The following FILIP1L variants were observed in gnomAD, a reference collection of about 807,000 sequenced individuals.
FILIP1L encodes the protein filamin A interacting protein 1 like.
A neutral mutation model predicts 96.6 loss-of-function variants in FILIP1L; 55 were observed. That is an observed-to-expected ratio of 0.57 (90% CI 0.46 to 0.71). The LOEUF (loss-of-function observed/expected upper bound fraction) is 0.71. Among genes scored for constraint, FILIP1L ranks in the 30% least tolerant of loss-of-function variants. The probability of loss-of-function intolerance (pLI) is 0.00; values close to 1 mark genes in which losing one functional copy is unlikely to be tolerated. For synonymous variants in FILIP1L, 467 were observed against 473.9 expected (o/e 0.99, Z 0.19); for missense variants, 1,304 against 1,321.2 (o/e 0.99, Z 0.20).
At chr3:99,858,556 CT>C (rs1439317942) in intron 4 of FILIP1L, among the ~76,000 whole-genome samples, 1 of 152,110 alleles carries the variant, frequency 6.6e-6, no homozygotes, top group East Asian at 1.9e-4. Flanking sequence ...TGAAAAAATA[CT>C]TTTACAAAAT....
intron 1 of FILIP1L, among the ~76,000 whole-genome samples, chr3:100,015,715 G>C (rs1162411865): frequency 6.6e-6 from 1 of 152,154 alleles, no homozygotes; most frequent in African/African-American, 2.4e-5. Context: ...CATCGTTTTT[G>C]CTTTCATCAA....
At chr3:99,951,645 TAC>T (rs1417334807) in intron 1 of FILIP1L, among the ~76,000 whole-genome samples, 1 of 152,188 alleles carries the variant, frequency 6.6e-6, no homozygotes, top group Non-Finnish European at 1.5e-5. Context: ...CCACCACATA[TAC>T]ACAGTCCCCA....
chr3:100,067,790 T>C (rs1003035190), intron 1 of FILIP1L, among the ~76,000 whole-genome samples: 21 of 152,112 alleles, frequency 1.4e-4, no homozygotes, highest in Admixed American at 2.0e-4. Flanking sequence ...ATCCAAGCCT[T>C]GAGTGAAGTG....
chr3:100,069,808 G>A (rs2065729893), intron 1 of FILIP1L, among the ~76,000 whole-genome samples: 1 of 152,110 alleles, frequency 6.6e-6, no homozygotes, highest in Admixed American at 6.5e-5. Flanking sequence ...CTATTTGTGA[G>A]GGCATAAGCA....
chr3:100,042,927 C>T (rs1307140137), intron 1 of FILIP1L, among the ~76,000 whole-genome samples: 1 of 152,236 alleles, frequency 6.6e-6, no homozygotes, highest in Non-Finnish European at 1.5e-5. Flanking sequence ...AGTCCACATT[C>T]ATCATGGAAA....
At chr3:99,934,863 T>G (rs1184441033) in intron 1 of FILIP1L, among the ~76,000 whole-genome samples, 1 of 152,190 alleles carries the variant, frequency 6.6e-6, no homozygotes, top group Non-Finnish European at 1.5e-5. Flanking sequence ...CTAAAGAGAT[T>G]AGAGTTTTAC....
chr3:99,974,073 G>T (rs1237617341), intron 1 of FILIP1L, among the ~76,000 whole-genome samples: 3 of 152,344 alleles, frequency 2.0e-5, no homozygotes, highest in Non-Finnish European at 4.4e-5. Flanking sequence ...ATATTTTTCA[G>T]AGGCAGACTG....
At chr3:100,016,893 T>C (rs951460322) in intron 1 of FILIP1L, among the ~76,000 whole-genome samples, 4 of 152,230 alleles carry the variant, frequency 2.6e-5, no homozygotes, top group Non-Finnish European at 5.9e-5. Flanking sequence ...GAATTAGTTG[T>C]GTCCAAAATA....
At position 99,924,290 on chromosome 3, in the gene FILIP1L, T is replaced by A. The variant is rs372255083; in HGVS notation, c.545A>T (p.His182Leu). 170 of 1,614,046 alleles carry A rather than the reference T, an allele frequency of 1.1e-4. No homozygotes were observed. The highest frequency in any genetic ancestry group is 1.3e-4 in the Non-Finnish European group (157 of 1,180,002). Residue 182 changes from histidine (H) to leucine (L), a missense_variant, in exon 4 of 6, where the codon CAT (histidine) becomes CTT (leucine). Physicochemically the swap from His to Leu is moderately conservative, Grantham distance 99 (BLOSUM62 -3). Transcript: ENST00000477258. ...ATCACTCTTCTCCATGTATTCTTTA[T>A]GTTTTCTCTTTTCTTCCTCCAACTC... The part of the protein sequence containing the change: ...ILELEEEKRK[H>L]KEYMEKSDEF...
chr3:99,956,579 T>C (rs1209053752), intron 1 of FILIP1L, among the ~76,000 whole-genome samples: 1 of 152,190 alleles, frequency 6.6e-6, no homozygotes, highest in Non-Finnish European at 1.5e-5. Flanking sequence ...ATTCCTGACC[T>C]CAGATGATCC....
At chr3:99,834,372 T>C (rs1325166958) in intron 5 of FILIP1L, among the ~76,000 whole-genome samples, 1 of 152,228 alleles carries the variant, frequency 6.6e-6, no homozygotes, top group Non-Finnish European at 1.5e-5. Flanking sequence ...GGTGCCTTTA[T>C]TCTGTAATGT....
At chr3:99,945,253 T>TC (rs1445201224) in intron 1 of FILIP1L, among the ~76,000 whole-genome samples, 2 of 152,160 alleles carry the variant, frequency 1.3e-5, no homozygotes, top group Admixed American at 1.3e-4. Context: ...CTTTCCAAAG[T>TC]CCCACTCATC....
Position 100,058,334 on chromosome 3 carries a change from TA to T in FILIP1L, c.-11+55718del, listed in dbSNP as rs570547388. Among the ~76,000 whole-genome samples the T allele has an allele frequency of 7.2e-3, 1,101 of 152,352 alleles. 4 individuals are homozygous for T. Among genetic ancestry groups the T allele is most frequent in the African/African-American group, 0.01 (419 of 41,588 alleles). Reference sequence around the variant, plus strand: ...CTCCTACTTACAGAATGAAACTTTGTACAATCAGATGCTTATAAACGGGTAT... The same window carrying T: ...CTCCTACTTACAGAATGAAACTTTGTCAATCAGATGCTTATAAACGGGTAT... On this transcript the variant is annotated intron_variant, in intron 1 of 5. Coordinates refer to ENST00000477258, the MANE Select transcript of FILIP1L (RefSeq NM_001387850.1).
At chr3:100,087,651 C>G (rs948273580) in intron 1 of FILIP1L, among the ~76,000 whole-genome samples, 2 of 151,720 alleles carry the variant, frequency 1.3e-5, no homozygotes, top group Non-Finnish European at 2.9e-5. Context: ...ATATAACTTG[C>G]GAGTTTTTTT....
intron 4 of FILIP1L, among the ~76,000 whole-genome samples, chr3:99,880,905 G>A (rs1705704434): frequency 6.6e-6 from 1 of 151,916 alleles, no homozygotes; most frequent in African/African-American, 2.4e-5. Context: ...TGTATATTAT[G>A]TTTCTTTTTG....
At chr3:99,967,622 A>G (rs569415321) in intron 1 of FILIP1L, among the ~76,000 whole-genome samples, 1 of 152,324 alleles carries the variant, frequency 6.6e-6, no homozygotes, top group East Asian at 1.9e-4. Flanking sequence ...CGACACATGC[A>G]GAGATTGAAG....
At chr3:100,113,752 G>T (rs1398557686) in intron 1 of FILIP1L, among the ~76,000 whole-genome samples, 1 of 152,010 alleles carries the variant, frequency 6.6e-6, no homozygotes, top group African/African-American at 2.4e-5. Context: ...TTTAATTTTT[G>T]ACTATCCATC....
At chr3:99,979,412 A>AT (rs778961332) in intron 1 of FILIP1L, among the ~76,000 whole-genome samples, 108 of 152,324 alleles carry the variant, frequency 7.1e-4, no homozygotes, top group Non-Finnish European at 1.5e-3. Context: ...TAAAGATGTT[A>AT]TATCATGTCC....
intron 1 of FILIP1L, among the ~76,000 whole-genome samples, chr3:99,932,354 T>G (rs1707509581): frequency 6.6e-6 from 1 of 152,206 alleles, no homozygotes; most frequent in South Asian, 2.1e-4. Context: ...AAAACTTGCT[T>G]TTTCATCCTA....
Sources: gnomAD v4.1 joint callset for allele counts (sites outside exome capture counted in the v4.1 genomes callset) on GRCh38, gnomAD v4.1.1 for gene constraint, MANE v1.5 for transcripts, NCBI Gene and HGNC (gene_info 2026-07-23, HGNC 2026-07-21) for gene names.